Variants in MARCHF1 observed in about 807,000 individuals in gnomAD.
MARCHF1 encodes E3 ubiquitin-protein ligase MARCHF1.
Under a neutral mutation model 54.2 loss-of-function variants are expected in MARCHF1, and 40 were observed. The ratio of observed to expected loss-of-function variants is 0.74; its 90% CI spans 0.57 to 0.96. The LOEUF (loss-of-function observed/expected upper bound fraction) is 0.96, where lower values mean the gene tolerates loss of function less well. Ranked by LOEUF, MARCHF1 falls within the 40% of genes least tolerant of loss-of-function variation. MARCHF1 has a pLI of 0.00. For missense variants in MARCHF1, 586 were observed against 656.5 expected (o/e 0.89, Z 1.17); for synonymous variants, 236 against 236.3 (o/e 1.00, Z 0.01).
At chr4:164,371,327 T>C (rs1412705865) in intron 1 of MARCHF1, among the ~76,000 whole-genome samples, 2 of 152,196 alleles carry the variant, frequency 1.3e-5, no homozygotes, top group Admixed American at 6.5e-5. Flanking sequence ...TGAATATTTT[T>C]ACAATCTCTA....
intron 3 of MARCHF1, among the ~76,000 whole-genome samples, chr4:163,931,431 C>G (rs761071858): frequency 6.6e-5 from 10 of 151,976 alleles, no homozygotes; most frequent in Non-Finnish European, 1.3e-4. Context: ...GAGGGTAGAG[C>G]CCTGATGAAT....
At chr4:163,796,038 T>C (rs141239509) in intron 4 of MARCHF1, among the ~76,000 whole-genome samples, 159 of 152,186 alleles carry the variant, frequency 1.0e-3, no homozygotes, top group African/African-American at 3.8e-3. Flanking sequence ...CGTCTTCACA[T>C]TGAGTAGGCG....
At chr4:163,926,094 C>T (rs1328248641) in intron 3 of MARCHF1, among the ~76,000 whole-genome samples, 2 of 151,448 alleles carry the variant, frequency 1.3e-5, no homozygotes, top group African/African-American at 2.4e-5. Context: ...TGCCTTCTTA[C>T]ATATAACAAA....
chr4:164,050,894 T>C (rs1297658908), intron 2 of MARCHF1, among the ~76,000 whole-genome samples: 11 of 151,852 alleles, frequency 7.2e-5, no homozygotes, highest in Admixed American at 4.6e-4. Context: ...GATTGTGCCA[T>C]TGCACTCCAG....
intron 2 of MARCHF1, among the ~76,000 whole-genome samples, chr4:164,022,003 T>C (rs1462742038): frequency 6.6e-6 from 1 of 152,182 alleles, no homozygotes; most frequent in East Asian, 1.9e-4. Flanking sequence ...TATGACATTT[T>C]GGTAGAGTAA....
intron 1 of MARCHF1, among the ~76,000 whole-genome samples, chr4:164,330,470 C>A (rs540396701): frequency 1.3e-5 from 2 of 152,116 alleles, no homozygotes; most frequent in Non-Finnish European, 2.9e-5. Context: ...TCCATAAAAC[C>A]CACCCGTAGC....
chr4:163,915,461 A>G (rs1014968725), intron 3 of MARCHF1, among the ~76,000 whole-genome samples: 11 of 152,302 alleles, frequency 7.2e-5, no homozygotes, highest in African/African-American at 2.6e-4. Context: ...AGGAGACATG[A>G]AAACTAAATG....
chr4:164,196,845 C>T (rs1391218089), intron 1 of MARCHF1, among the ~76,000 whole-genome samples: 2 of 152,032 alleles, frequency 1.3e-5, no homozygotes, highest in African/African-American at 2.4e-5. Context: ...ACACTTTTCC[C>T]GTCTCATTCC....
intron 1 of MARCHF1, among the ~76,000 whole-genome samples, chr4:164,209,442 C>G (rs1248944147): frequency 3.3e-5 from 5 of 152,122 alleles, no homozygotes; most frequent in African/African-American, 1.2e-4. Context: ...TCATACTTAA[C>G]TACAACGCAA....
At chr4:163,789,205 CT>C (rs1163663207) in intron 4 of MARCHF1, among the ~76,000 whole-genome samples, 1 of 151,774 alleles carries the variant, frequency 6.6e-6, no homozygotes, top group East Asian at 1.9e-4. Context: ...GCTCATTAAT[CT>C]CATATTTTAA....
At chr4:164,053,858 G>C (rs1391109621) in intron 2 of MARCHF1, among the ~76,000 whole-genome samples, 3 of 152,174 alleles carry the variant, frequency 2.0e-5, no homozygotes, top group Non-Finnish European at 4.4e-5. Flanking sequence ...GTCAGAAATA[G>C]GCATGGGCAA....
intron 9 of MARCHF1, among the ~76,000 whole-genome samples, chr4:163,529,612 C>A (rs1738275690): frequency 6.6e-6 from 1 of 151,880 alleles, no homozygotes; most frequent in Non-Finnish European, 1.5e-5. Flanking sequence ...TTCCTGAGTA[C>A]AAACATGCAA....
At chr4:164,300,992 A>T (rs905804813) in intron 1 of MARCHF1, among the ~76,000 whole-genome samples, 1 of 135,252 alleles carries the variant, frequency 7.4e-6, no homozygotes, top group African/African-American at 2.8e-5. Flanking sequence ...GCTGAAACAC[A>T]TAAACACAAA....
intron 4 of MARCHF1, among the ~76,000 whole-genome samples, chr4:163,780,641 G>C (rs1459376996): frequency 1.3e-5 from 2 of 152,014 alleles, no homozygotes; most frequent in Non-Finnish European, 2.9e-5. Context: ...AGGAATCATT[G>C]GTTTATTTGA....
At chr4:164,139,656 T>G (rs1473930119) in intron 1 of MARCHF1, among the ~76,000 whole-genome samples, 1 of 152,184 alleles carries the variant, frequency 6.6e-6, no homozygotes, top group African/African-American at 2.4e-5. Context: ...TGCTCATCCC[T>G]GCTGTAAGAG....
intron 1 of MARCHF1, among the ~76,000 whole-genome samples, chr4:164,130,839 G>A (rs56290860): frequency 0.52 from 78,553 of 151,964 alleles, 20,850 homozygotes; most frequent in South Asian, 0.6. Context: ...GTCGTTATAT[G>A]TTACAAATCT....
chr4:163,849,202 T>A (rs114712921), intron 4 of MARCHF1, among the ~76,000 whole-genome samples: 1 of 152,322 alleles, frequency 6.6e-6, no homozygotes, highest in Non-Finnish European at 1.5e-5. Context: ...ATTACCTAAG[T>A]CACCTTGGAC....
At chr4:164,146,774 A>C (rs1729757646) in intron 1 of MARCHF1, among the ~76,000 whole-genome samples, 1 of 152,186 alleles carries the variant, frequency 6.6e-6, no homozygotes, top group African/African-American at 2.4e-5. Flanking sequence ...CAAGAACTTC[A>C]TGTCTAAAAC....
chr4:163,808,631 T>G (rs937711844), intron 4 of MARCHF1, among the ~76,000 whole-genome samples: 1 of 152,090 alleles, frequency 6.6e-6, no homozygotes, highest in African/African-American at 2.4e-5. Context: ...TGCAGTGGCG[T>G]GATCTCGGCT....
Sources: gnomAD v4.1 joint callset for allele counts (sites outside exome capture counted in the v4.1 genomes callset) on GRCh38, gnomAD v4.1.1 for gene constraint, MANE v1.5 for transcripts, NCBI Gene and HGNC (gene_info 2026-07-23, HGNC 2026-07-21) for gene names.